The following ARHGAP26 variants were observed in gnomAD, a reference collection of about 807,000 sequenced individuals.
ARHGAP26 encodes the protein rho GTPase-activating protein 26.
ARHGAP26 carries 38 observed loss-of-function variants against 104.8 expected under a neutral mutation model. That is an observed-to-expected ratio of 0.36 (90% CI 0.28 to 0.48). The LOEUF (loss-of-function observed/expected upper bound fraction) is 0.48, where lower values mean the gene tolerates loss of function less well. Ranked by LOEUF, ARHGAP26 falls within the 20% of genes least tolerant of loss-of-function variation. The probability of loss-of-function intolerance (pLI) is 0.99; values close to 1 mark genes in which losing one functional copy is unlikely to be tolerated. For missense variants in ARHGAP26, 704 were observed against 947.9 expected, an observed-to-expected ratio of 0.74 and a Z score of 3.38; for synonymous variants, 341 against 340.0, an observed-to-expected ratio of 1.00 and a Z score of -0.03.
chr5:143,147,140 A>G (rs1599230237), intron 19 of ARHGAP26, 91 bp from the exon 20 acceptor site: 2 of 1,373,076 alleles, frequency 1.5e-6, no homozygotes, highest in Non-Finnish European at 2.0e-6. Context: ...ATCTTGATCC[A>G]GTCTTATTCT....
chr5:142,831,130 C>G (rs58556479), intron 1 of ARHGAP26, among the ~76,000 whole-genome samples: 10,821 of 152,220 alleles, frequency 0.071, 601 homozygotes, highest in African/African-American at 0.15. Context: ...TTCTTTCTTG[C>G]TTTCTGTGGT....
chr5:143,053,104 C>G (rs73796534), intron 14 of ARHGAP26, among the ~76,000 whole-genome samples: 2,180 of 152,292 alleles, frequency 0.014, 38 homozygotes, highest in African/African-American at 0.039. Flanking sequence ...GTCGGACTTT[C>G]AGGCTCTGTG....
Position 142,936,068 on chromosome 5 carries a change from C to A in ARHGAP26, c.1107+3943C>A, listed in dbSNP as rs540015634. Among the ~76,000 whole-genome samples the A allele has an allele frequency of 2.6e-5, 4 of 151,216 alleles. No homozygotes were observed. In the East Asian group the frequency reaches 5.9e-4, roughly 22 times the overall value. The stretch of plus-strand genomic sequence containing the variant: ...AAAGAAAGGTATACAACTGCCCCCA[C>A]TTTCAGATAACACAATTGTCTATGT... On this transcript the variant is annotated intron_variant, in intron 11 of 22. Coordinates refer to ENST00000645722, the MANE Select transcript of ARHGAP26 (RefSeq NM_001135608.3).
At chr5:143,172,519 C>T (rs747083118) in intron 20 of ARHGAP26, among the ~76,000 whole-genome samples, 39 of 152,128 alleles carry the variant, frequency 2.6e-4, no homozygotes, top group Non-Finnish European at 4.9e-4. Flanking sequence ...ATTAATTTGT[C>T]ATGTGAATCT....
chr5:142,770,402 G>T lies in ARHGAP26; in HGVS notation c.-360G>T, dbSNP rs1422476524. The T allele has an allele frequency of 1.6e-5, 3 of 191,906 alleles. No individual in the cohort carries two copies. Among genetic ancestry groups the T allele is most frequent in the African/African-American group, 2.3e-5 (1 of 43,086 alleles). 11.9% of individuals were successfully genotyped at this position (191,906 alleles called of 1,614,324 possible). A position where few individuals can be genotyped will look rare whatever the true frequency, so the allele number is the denominator to read the frequency against. On this transcript the variant is annotated 5_prime_UTR_variant, in exon 1 of 23. Transcript: ENST00000645722. ...AGACACCGGCGGGGCGGCCGAGGCT[G>T]CTGTGAGAGGGCGCTCGAGGCTGCC... is the stretch of plus-strand genomic sequence containing the variant.
chr5:142,801,079 ACTGCATGATGGTG>A (rs1210499647), intron 1 of ARHGAP26, among the ~76,000 whole-genome samples: 1 of 151,998 alleles, frequency 6.6e-6, no homozygotes, highest in African/African-American at 2.4e-5. Context: ...GGCATCTTTA[ACTGCATGATGGTG>A]GCTATGTGGT....
At chr5:143,069,007 C>T (rs1433632701) in intron 17 of ARHGAP26, among the ~76,000 whole-genome samples, 1 of 152,076 alleles carries the variant, frequency 6.6e-6, no homozygotes, top group African/African-American at 2.4e-5. Context: ...CCTGGTTTTC[C>T]TCCTGCCTCC....
At chr5:142,839,905 G>A (rs1430498204) in intron 1 of ARHGAP26, among the ~76,000 whole-genome samples, 3 of 149,766 alleles carry the variant, frequency 2.0e-5, no homozygotes, top group South Asian at 2.1e-4. Context: ...GAGGGGAGGG[G>A]AGGGGAGGGG....
chr5:143,035,555 G>C (rs1409895557), intron 12 of ARHGAP26, among the ~76,000 whole-genome samples: 2 of 152,102 alleles, frequency 1.3e-5, no homozygotes, highest in Non-Finnish European at 2.9e-5. Context: ...TGGGAAGGGG[G>C]TGAGGGATAA....
chr5:143,075,493 G>T (rs963870343), intron 17 of ARHGAP26, among the ~76,000 whole-genome samples: 3 of 152,040 alleles, frequency 2.0e-5, no homozygotes. Context: ...CCATAGTAGG[G>T]ACGTTTGGTT....
chr5:143,171,676 A>G (rs796713560), intron 20 of ARHGAP26, among the ~76,000 whole-genome samples: 10 of 152,182 alleles, frequency 6.6e-5, no homozygotes, highest in African/African-American at 2.4e-4. Flanking sequence ...TTTTTCCCAT[A>G]CTTGTGAGAT....
At chr5:142,889,553 G>A (rs1409788220) in intron 5 of ARHGAP26, among the ~76,000 whole-genome samples, 1 of 152,164 alleles carries the variant, frequency 6.6e-6, no homozygotes, top group Non-Finnish European at 1.5e-5. Flanking sequence ...AGGAGGCGGA[G>A]TTTGCAGTGA....
chr5:143,178,775 G>A (rs1803873962), intron 20 of ARHGAP26, among the ~76,000 whole-genome samples: 1 of 152,198 alleles, frequency 6.6e-6, no homozygotes, highest in Non-Finnish European at 1.5e-5. Context: ...GTTCAGGAAA[G>A]TCATCTAACT....
intron 20 of ARHGAP26, among the ~76,000 whole-genome samples, chr5:143,174,882 A>G (rs998105271): frequency 2.0e-5 from 3 of 152,222 alleles, no homozygotes; most frequent in African/African-American, 4.8e-5. Flanking sequence ...TCTAAGCCTC[A>G]TACCTGTCAG....
intron 10 of ARHGAP26, among the ~76,000 whole-genome samples, chr5:142,930,856 A>G (rs1009677854): frequency 9.9e-5 from 15 of 152,222 alleles, no homozygotes; most frequent in African/African-American, 3.4e-4. Flanking sequence ...TAGCATATTC[A>G]TTGGAACTAT....
At chr5:142,812,648 C>T (rs1764331141) in intron 1 of ARHGAP26, among the ~76,000 whole-genome samples, 1 of 152,088 alleles carries the variant, frequency 6.6e-6, no homozygotes, top group Non-Finnish European at 1.5e-5. Flanking sequence ...TCAATCCTCC[C>T]TCTTCTGCCT....
intron 1 of ARHGAP26, among the ~76,000 whole-genome samples, chr5:142,830,414 G>A (rs990748170): frequency 2.6e-5 from 4 of 152,168 alleles, no homozygotes; most frequent in South Asian, 4.2e-4. Context: ...AGGGTAGGAA[G>A]GGGAAGTGAA....
At chr5:142,847,753 G>A (rs1049153091) in intron 1 of ARHGAP26, among the ~76,000 whole-genome samples, 2 of 152,226 alleles carry the variant, frequency 1.3e-5, no homozygotes, top group South Asian at 2.1e-4. Context: ...ATGGGTGGTG[G>A]GCAGTGCTGC....
chr5:143,135,886 C>A (rs1797857196), intron 19 of ARHGAP26, among the ~76,000 whole-genome samples: 1 of 152,234 alleles, frequency 6.6e-6, no homozygotes, highest in South Asian at 2.1e-4. Flanking sequence ...GGGTCATTCT[C>A]ACTGTGGTCT....
Sources: allele counts gnomAD v4.1 joint callset (sites outside exome capture counted in the v4.1 genomes callset), GRCh38; gene constraint gnomAD v4.1.1; transcripts MANE v1.5; gene names NCBI Gene and HGNC (gene_info 2026-07-23, HGNC 2026-07-21).